The following TSNARE1 variants were observed in gnomAD, a reference collection of about 807,000 sequenced individuals.
The protein encoded by TSNARE1 is t-SNARE domain-containing protein 1.
Under a neutral mutation model 62.0 loss-of-function variants are expected in TSNARE1, and 49 were observed. That is an observed-to-expected ratio of 0.79 (90% CI 0.63 to 1.00). The LOEUF is 1.00. Among genes scored for constraint, TSNARE1 ranks in the 50% least tolerant of loss-of-function variants. The pLI, the probability that TSNARE1 is intolerant of heterozygous loss-of-function variation, is 0.00. For missense variants in TSNARE1, 755 were observed against 700.1 expected, an observed-to-expected ratio of 1.08 and a Z score of -0.88; for synonymous variants, 328 against 294.4, an observed-to-expected ratio of 1.11 and a Z score of -1.17.
chr8:142,363,418 G>A (rs534970691), intron 1 of TSNARE1, among the ~76,000 whole-genome samples: 8 of 152,214 alleles, frequency 5.3e-5, no homozygotes, highest in East Asian at 1.9e-4. Flanking sequence ...TTAAAGCCCC[G>A]ATTCAAGGTG....
At chr8:142,307,570 T>C (rs1443888594) in intron 9 of TSNARE1, among the ~76,000 whole-genome samples, 1 of 152,230 alleles carries the variant, frequency 6.6e-6, no homozygotes, top group African/African-American at 2.4e-5. Flanking sequence ...AAATGCTATG[T>C]AGTAAATAGC....
chr8:142,356,324 C>T (rs188339084), intron 1 of TSNARE1, among the ~76,000 whole-genome samples: 2 of 152,330 alleles, frequency 1.3e-5, no homozygotes, highest in East Asian at 3.9e-4. Flanking sequence ...TCCCAGGTAC[C>T]TGCCCAGTCG....
At chr8:142,269,430 G>GC (rs1484998216) in intron 12 of TSNARE1, 4 of 985,380 alleles carry the variant, frequency 4.1e-6, no homozygotes, top group Non-Finnish European at 4.8e-6. Context: ...AGACTGTAAC[G>GC]CAAGACAGAA....
At chr8:142,323,290 T>C (rs1343877961) in intron 6 of TSNARE1, among the ~76,000 whole-genome samples, 9 of 152,050 alleles carry the variant, frequency 5.9e-5, no homozygotes, top group Non-Finnish European at 1.3e-4. Flanking sequence ...CAAAGGGGTA[T>C]GAGAGGAGGA....
intron 9 of TSNARE1, among the ~76,000 whole-genome samples, chr8:142,302,349 T>G (rs552659803): frequency 6.6e-6 from 1 of 152,068 alleles, no homozygotes; most frequent in African/African-American, 2.4e-5. Context: ...CTTGGCCCAG[T>G]AGGTGTCACC....
At chr8:142,257,920 G>A (rs1340810954) in intron 12 of TSNARE1, among the ~76,000 whole-genome samples, 1 of 152,178 alleles carries the variant, frequency 6.6e-6, no homozygotes, top group African/African-American at 2.4e-5. Context: ...ATAAGAGCTT[G>A]AGCACGCATA....
chr8:142,215,195 A>G (rs1213955875), intron 13 of TSNARE1, among the ~76,000 whole-genome samples: 1 of 152,048 alleles, frequency 6.6e-6, no homozygotes, highest in Non-Finnish European at 1.5e-5. Flanking sequence ...GCTGTTTCCA[A>G]CTCCCAGGCA....
At chr8:142,290,220 G>A (rs1215746178) in intron 10 of TSNARE1, among the ~76,000 whole-genome samples, 1 of 152,006 alleles carries the variant, frequency 6.6e-6, no homozygotes, top group Non-Finnish European at 1.5e-5. Flanking sequence ...GAAGGGTGGG[G>A]CCTGCTCGAG....
intron 12 of TSNARE1, among the ~76,000 whole-genome samples, chr8:142,248,361 G>A (rs1408469229): frequency 2.0e-5 from 3 of 152,198 alleles, no homozygotes; most frequent in Non-Finnish European, 4.4e-5. Flanking sequence ...CAGGATGCCC[G>A]CACAGCTCCC....
chr8:142,362,006 T>C (rs1326685443), intron 1 of TSNARE1, among the ~76,000 whole-genome samples: 1 of 152,250 alleles, frequency 6.6e-6, no homozygotes, highest in Non-Finnish European at 1.5e-5. Context: ...AACTGAATGA[T>C]GGATGAGGCG....
chr8:142,247,264 G>A (rs952716276), intron 12 of TSNARE1, among the ~76,000 whole-genome samples: 1 of 152,194 alleles, frequency 6.6e-6, no homozygotes, highest in Admixed American at 6.5e-5. Flanking sequence ...CAAAGCTCTG[G>A]GGGCGCTACT....
chr8:142,360,477 C>T (rs546771038), intron 1 of TSNARE1, among the ~76,000 whole-genome samples: 27 of 152,270 alleles, frequency 1.8e-4, no homozygotes, highest in Non-Finnish European at 2.8e-4. Context: ...AAGAATAGCC[C>T]GAGCTCCAGG....
upstream of TSNARE1, chr8:142,404,334 G>GCA (rs1838521738): frequency 6.6e-6 from 1 of 152,300 alleles, no homozygotes; most frequent in African/African-American, 2.4e-5. Context: ...TGCACACAGC[G>GCA]CACGTCTGTG....
chr8:142,342,576 C>T (rs771207105), intron 4 of TSNARE1, among the ~76,000 whole-genome samples: 1 of 152,234 alleles, frequency 6.6e-6, no homozygotes, highest in African/African-American at 2.4e-5. Flanking sequence ...GAATCCAGTG[C>T]AGGAACCAGG....
chr8:142,256,171 A>ACTG (rs1818524064), intron 12 of TSNARE1, among the ~76,000 whole-genome samples: 1 of 133,338 alleles, frequency 7.5e-6, no homozygotes, highest in Admixed American at 7.4e-5. Flanking sequence ...CACCACCACC[A>ACTG]TCACCATCAC....
chr8:142,324,086 T>C (rs1829866685), intron 6 of TSNARE1, among the ~76,000 whole-genome samples: 1 of 152,208 alleles, frequency 6.6e-6, no homozygotes, highest in Non-Finnish European at 1.5e-5. Flanking sequence ...CCACATTCAA[T>C]GTGGGATACA....
intron 9 of TSNARE1, among the ~76,000 whole-genome samples, chr8:142,305,754 G>C (rs1826563682): frequency 6.6e-6 from 1 of 152,242 alleles, no homozygotes; most frequent in African/African-American, 2.4e-5. Flanking sequence ...GGCAAGCGCA[G>C]AGGGGACGGC....
In TSNARE1 at chr8:142,230,336, G is replaced by A. The variant is rs1221510147; in HGVS notation, c.1447-757C>T. 3.9e-5 allele frequency among the ~76,000 whole-genome samples: 6 copies of A among 152,334 alleles called. No individual in the cohort carries two copies. The East Asian group carries it at 9.6e-4, about 24-fold the overall frequency. ...ATCCAAAGGAGGGAGCAGGGAGCAAGGGACAGGGAATGGGAAGGGAGACAG... is the reference window on the plus strand; with the variant it reads ...ATCCAAAGGAGGGAGCAGGGAGCAAAGGACAGGGAATGGGAAGGGAGACAG... On this transcript the variant is annotated intron_variant, in intron 12 of 13. Coordinates refer to ENST00000524325, the MANE Select transcript of TSNARE1 (RefSeq NM_145003.5).
chr8:142,251,500 C>T (rs1818161043), intron 12 of TSNARE1, among the ~76,000 whole-genome samples: 7 of 152,178 alleles, frequency 4.6e-5, no homozygotes, highest in Admixed American at 4.6e-4. Flanking sequence ...AGAGGTTGTC[C>T]TCCCAGTTAG....
Sources: gnomAD v4.1 joint callset for allele counts (sites outside exome capture counted in the v4.1 genomes callset) on GRCh38, gnomAD v4.1.1 for gene constraint, MANE v1.5 for transcripts, NCBI Gene and HGNC (gene_info 2026-07-23, HGNC 2026-07-21) for gene names.